The following ABCA8 variants were observed in gnomAD, a reference collection of about 807,000 sequenced individuals.
The protein encoded by ABCA8 is ATP binding cassette subfamily A member 8, also known as ABC-type organic anion transporter ABCA8.
ABCA8 carries 177 observed loss-of-function variants against 192.3 expected under a neutral mutation model. The ratio of observed to expected loss-of-function variants is 0.92; its 90% CI spans 0.81 to 1.04. The LOEUF (loss-of-function observed/expected upper bound fraction) is 1.04, where lower values mean the gene tolerates loss of function less well. ABCA8 is among the 50% of genes least tolerant of loss of function. The pLI is 0.00. For synonymous variants in ABCA8, 642 were observed against 690.2 expected (o/e 0.93, Z 1.09); for missense variants, 1,915 against 1,904.8 (o/e 1.01, Z -0.10).
chr17:68,918,519 T>C lies in ABCA8; in HGVS notation c.1816A>G (p.Met606Val). ...GCAAGAACATCCTGAATATTTTTCA[T>C]TTCCAATTCCAGCAGAACCCTTTGT... Reference protein sequence around the residue: ...EIQRVLLELEMKNIQDVLAQN... With the variant: ...EIQRVLLELEVKNIQDVLAQN... The change falls in exon 15 of 40, where the codon ATG becomes GTG. Residue 606 changes from methionine (M) to valine (V), a missense_variant. By Grantham distance (21) the Met-to-Val change is conservative (BLOSUM62 1). Transcript: ENST00000586539. 1 of 1,519,556 alleles carries C rather than the reference T, an allele frequency of 6.6e-7. No homozygotes were observed. The highest frequency in any genetic ancestry group is 8.8e-7 in the Non-Finnish European group (1 of 1,142,784). The allele number at this position is 1,519,556 out of a possible 1,614,324, so 94.1% of individuals were successfully genotyped here.
At position 68,881,133 on chromosome 17, in the gene ABCA8, G is replaced by A; in HGVS notation, c.4025C>T (p.Pro1342Leu). ...TAATTCACCTACTTGTCCAGCAGTT[G>A]GTTTTGTGTCTCCAGTTATCACCTT... ...SIKVITGDTK[P>L]TAGQVLLKGS... The change falls in exon 32 of 40, where the codon CCA becomes CTA. Residue 1342 changes from proline to leucine, a missense_variant. Coordinates refer to ENST00000586539, the MANE Select transcript of ABCA8 (RefSeq NM_001288985.2). The A allele has an allele frequency of 1.9e-6, 3 of 1,610,628 alleles. No homozygotes were observed. The highest frequency in any genetic ancestry group is 2.5e-6 in the Non-Finnish European group (3 of 1,176,980).
intron 4 of ABCA8, among the ~76,000 whole-genome samples, chr17:68,939,531 A>G (rs2068166781): frequency 6.6e-6 from 1 of 152,146 alleles, no homozygotes; most frequent in African/African-American, 2.4e-5. Context: ...ACTATCAGAA[A>G]TGATCTGTAA....
At chr17:68,879,445 C>T (rs1598188420) in intron 32 of ABCA8, 2 of 152,180 alleles carry the variant, frequency 1.3e-5, no homozygotes, top group African/African-American at 4.8e-5. Flanking sequence ...AATAATTACC[C>T]CTTGATGGTG....
intron 6 of ABCA8, among the ~76,000 whole-genome samples, 157 bp from the exon 7 acceptor site, chr17:68,932,671 C>G (rs76251462): frequency 0.068 from 10,293 of 152,198 alleles, 1,170 homozygotes; most frequent in African/African-American, 0.23. Context: ...CCTGCTGGGA[C>G]CTCGGAGTCC....
chr17:68,876,909 G>A (rs552618246), intron 33 of ABCA8, among the ~76,000 whole-genome samples: 2 of 152,260 alleles, frequency 1.3e-5, no homozygotes, highest in African/African-American at 2.4e-5. Flanking sequence ...AGAAGGACAT[G>A]ACATGATATC....
intron 17 of ABCA8, among the ~76,000 whole-genome samples, chr17:68,915,300 G>C (rs2067326620): frequency 6.6e-6 from 1 of 152,066 alleles, no homozygotes; most frequent in Non-Finnish European, 1.5e-5. Context: ...AAATTAAAAA[G>C]CTTCTGCACA....
intron 37 of ABCA8, 84 bp downstream of exon 37, chr17:68,875,176 T>C: frequency 6.4e-7 from 1 of 1,555,016 alleles, no homozygotes; most frequent in South Asian, 1.2e-5. Context: ...TTTTAGGTTT[T>C]CCTTTTGAAT....
chr17:68,924,400 C>T (rs1389951798), intron 11 of ABCA8, among the ~76,000 whole-genome samples: 1 of 150,478 alleles, frequency 6.6e-6, no homozygotes, highest in African/African-American at 2.4e-5. Flanking sequence ...ATAACTGAGA[C>T]CCAGAAAGCA....
chr17:68,943,855 C>T (rs1441711242), intron 2 of ABCA8, among the ~76,000 whole-genome samples: 5 of 152,058 alleles, frequency 3.3e-5, no homozygotes, highest in African/African-American at 1.2e-4. Flanking sequence ...CAGGCTTCAC[C>T]TAGTATTCAT....
At chr17:68,902,619 T>A (rs1054254591) in intron 21 of ABCA8, 94 bp downstream of exon 21, 2 of 1,091,978 alleles carry the variant, frequency 1.8e-6, no homozygotes, top group African/African-American at 3.2e-5. Flanking sequence ...ACATGCTGAA[T>A]AAGTGAAAAG....
At chr17:68,934,108 C>G in intron 5 of ABCA8, among the ~76,000 whole-genome samples, 1 of 152,190 alleles carries the variant, frequency 6.6e-6, no homozygotes, top group African/African-American at 2.4e-5. Flanking sequence ...AAAAATTAAA[C>G]TCTACTAATA....
At chr17:68,908,031 A>C in intron 17 of ABCA8, 152 bp from the exon 18 acceptor site, 1 of 720,826 alleles carries the variant, frequency 1.4e-6, no homozygotes, top group Non-Finnish European at 2.0e-6. Flanking sequence ...GAGGACAAAA[A>C]CCCAAGAAAT....
chr17:68,923,722 A>G (rs2067610968), intron 11 of ABCA8, among the ~76,000 whole-genome samples: 1 of 152,240 alleles, frequency 6.6e-6, no homozygotes, highest in South Asian at 2.1e-4. Flanking sequence ...ACAGGTTAAA[A>G]GAACAAAATG....
rs140844531 is a variant in ABCA8 at position 68,934,323 on chromosome 17, A to G, written c.467-1052T>C. Among the ~76,000 whole-genome samples the G allele has an allele frequency of 2.5e-3, 376 of 152,280 alleles. 4 individuals are homozygous for G. Among genetic ancestry groups the G allele is most frequent in the Admixed American group, 0.013 (201 of 15,292 alleles). On this transcript the variant is annotated intron_variant, in intron 5 of 39. Transcript: ENST00000586539. ...TTACCAGAAAAAAAAATCTGCTGCTATAAAAATCTGTATATATGTCTTCTT... is the reference window on the plus strand; with the variant it reads ...TTACCAGAAAAAAAAATCTGCTGCTGTAAAAATCTGTATATATGTCTTCTT...
At chr17:68,924,651 C>T in intron 11 of ABCA8, 50 bp downstream of exon 11, 1 of 1,580,344 alleles carries the variant, frequency 6.3e-7, no homozygotes, top group Non-Finnish European at 8.6e-7. Flanking sequence ...CAGGTGCTAT[C>T]TCTTAGCTTC....
chr17:68,917,121 CTT>C (rs2143595173), intron 17 of ABCA8, among the ~76,000 whole-genome samples: 1 of 152,158 alleles, frequency 6.6e-6, no homozygotes, highest in Non-Finnish European at 1.5e-5. Flanking sequence ...CACAAAAAAA[CTT>C]AGCTGGGCGT....
intron 1 of ABCA8, among the ~76,000 whole-genome samples, chr17:68,950,035 T>C (rs112713072): frequency 2.0e-5 from 3 of 152,114 alleles, no homozygotes; most frequent in African/African-American, 7.2e-5. Context: ...ATTCTATATT[T>C]AGAAAACCCC....
intron 21 of ABCA8, among the ~76,000 whole-genome samples, chr17:68,902,406 T>C (rs1485273099): frequency 6.6e-6 from 1 of 152,234 alleles, no homozygotes; most frequent in Non-Finnish European, 1.5e-5. Context: ...CTGAAAACCA[T>C]GGAATTGTGC....
intron 21 of ABCA8, among the ~76,000 whole-genome samples, chr17:68,898,647 G>A (rs2143449151): frequency 6.6e-6 from 1 of 152,168 alleles, no homozygotes; most frequent in Admixed American, 6.5e-5. Flanking sequence ...TTTTATTGTT[G>A]AGGCGTAAAA....
Sources: allele counts gnomAD v4.1 joint callset (sites outside exome capture counted in the v4.1 genomes callset), GRCh38; gene constraint gnomAD v4.1.1; transcripts MANE v1.5; gene names NCBI Gene and HGNC (gene_info 2026-07-23, HGNC 2026-07-21).